The following GPC5 variants were observed in gnomAD, a reference collection of about 807,000 sequenced individuals.
GPC5 encodes glypican-5.
In GPC5, 47 loss-of-function variants were observed where a neutral mutation model predicts 53.9. The observed-to-expected ratio is 0.87, with a 90% CI of 0.69 to 1.11. The LOEUF (loss-of-function observed/expected upper bound fraction) is 1.11, where lower values mean the gene tolerates loss of function less well. GPC5 is among the 50% of genes most tolerant of loss of function. GPC5 has a pLI of 0.00. For synonymous variants in GPC5, 286 were observed against 263.3 expected (o/e 1.09, Z -0.84); for missense variants, 748 against 713.1 (o/e 1.05, Z -0.56).
chr13:91,966,298 T>C (rs189793319), intron 6 of GPC5, among the ~76,000 whole-genome samples: 2 of 152,308 alleles, frequency 1.3e-5, no homozygotes, highest in Admixed American at 6.5e-5. Context: ...AAACTTCTCT[T>C]ATACAATCAA....
chr13:92,332,374 G>T (rs532167836), intron 7 of GPC5, among the ~76,000 whole-genome samples: 18 of 152,196 alleles, frequency 1.2e-4, no homozygotes, highest in Non-Finnish European at 2.4e-4. Context: ...TAGCAGTGAG[G>T]AATAAAGATA....
intron 5 of GPC5, among the ~76,000 whole-genome samples, chr13:91,888,630 C>T (rs1594642822): frequency 6.6e-6 from 1 of 152,102 alleles, no homozygotes. Context: ...AGGGTGCTGG[C>T]GGTGGCAAGA....
At chr13:91,997,644 G>A (rs528016577) in intron 6 of GPC5, among the ~76,000 whole-genome samples, 84 of 151,974 alleles carry the variant, frequency 5.5e-4, no homozygotes, top group African/African-American at 2.0e-3. Flanking sequence ...TCAGCCTCCC[G>A]AGTAGCTGGA....
chr13:91,447,159 T>C (rs1880867068), intron 1 of GPC5, among the ~76,000 whole-genome samples: 1 of 152,246 alleles, frequency 6.6e-6, no homozygotes, highest in South Asian at 2.1e-4. Context: ...AGATATTTGC[T>C]ATGATCTGCT....
chr13:92,098,198 C>T (rs1387694194), intron 6 of GPC5, among the ~76,000 whole-genome samples: 1 of 152,094 alleles, frequency 6.6e-6, no homozygotes, highest in Admixed American at 6.6e-5. Flanking sequence ...TCCCATTGGT[C>T]CCCTCTATGC....
chr13:92,658,019 A>G (rs1177394820), intron 7 of GPC5, among the ~76,000 whole-genome samples: 2 of 152,146 alleles, frequency 1.3e-5, no homozygotes, highest in Admixed American at 1.3e-4. Flanking sequence ...ATCATTTATA[A>G]TATCACAGAA....
chr13:91,628,639 C>G (rs1486130158), intron 2 of GPC5, among the ~76,000 whole-genome samples: 1 of 152,156 alleles, frequency 6.6e-6, no homozygotes, highest in Non-Finnish European at 1.5e-5. Context: ...TCACCCCTGG[C>G]TCTACCTCTT....
At chr13:92,165,656 A>G (rs1457077495) in intron 7 of GPC5, among the ~76,000 whole-genome samples, 1 of 152,196 alleles carries the variant, frequency 6.6e-6, no homozygotes, top group Admixed American at 6.5e-5. Flanking sequence ...CCCTCCCCTA[A>G]CACATGGGGA....
chr13:91,995,410 G>C (rs2040495090), intron 6 of GPC5: 1 of 152,096 alleles, frequency 6.6e-6, no homozygotes, highest in African/African-American at 2.4e-5. Flanking sequence ...AACTAGAAAA[G>C]GTAAAAAAGT....
chr13:91,909,367 G>T (rs745707790), intron 6 of GPC5, among the ~76,000 whole-genome samples: 1 of 152,062 alleles, frequency 6.6e-6, no homozygotes, highest in South Asian at 2.1e-4. Context: ...ATATTAATCA[G>T]CTCCTCTCAT....
chr13:92,481,390 C>A (rs12861382), intron 7 of GPC5, among the ~76,000 whole-genome samples: 1 of 152,190 alleles, frequency 6.6e-6, no homozygotes, highest in South Asian at 2.1e-4. Context: ...CATGACCCAC[C>A]GCGCCTGGCC....
At chr13:92,714,937 G>A (rs967026741) in intron 7 of GPC5, among the ~76,000 whole-genome samples, 1 of 152,040 alleles carries the variant, frequency 6.6e-6, no homozygotes, top group Non-Finnish European at 1.5e-5. Context: ...ATGGTGGTGG[G>A]TGCCTGGAAT....
intron 7 of GPC5, among the ~76,000 whole-genome samples, chr13:92,811,894 T>A (rs538942510): frequency 6.6e-6 from 1 of 152,110 alleles, no homozygotes; most frequent in East Asian, 1.9e-4. Context: ...AGCATTCTTG[T>A]CAAAAATCAA....
chr13:91,562,603 G>A (rs964406313), intron 2 of GPC5, among the ~76,000 whole-genome samples: 4 of 149,360 alleles, frequency 2.7e-5, no homozygotes, highest in Non-Finnish European at 4.4e-5. Context: ...ACAGGCATGC[G>A]CCATGATGCC....
chr13:92,531,791 GGA>G (rs1222280158), intron 7 of GPC5, among the ~76,000 whole-genome samples: 2 of 152,106 alleles, frequency 1.3e-5, no homozygotes, highest in Non-Finnish European at 2.9e-5. Flanking sequence ...GTTTCCTGAG[GGA>G]AGGATATACT....
intron 7 of GPC5, among the ~76,000 whole-genome samples, chr13:92,376,035 A>T (rs975102564): frequency 1.3e-5 from 2 of 152,202 alleles, no homozygotes; most frequent in African/African-American, 4.8e-5. Flanking sequence ...GTTGATTTAA[A>T]ATAGTAACCA....
At chr13:91,562,334 C>T (rs931503954) in intron 2 of GPC5, among the ~76,000 whole-genome samples, 4 of 151,926 alleles carry the variant, frequency 2.6e-5, no homozygotes, top group Non-Finnish European at 5.9e-5. Flanking sequence ...AAAATTCATT[C>T]AACGATGTGT....
intron 7 of GPC5, among the ~76,000 whole-genome samples, chr13:92,283,247 C>T (rs572879392): frequency 6.6e-6 from 1 of 152,222 alleles, no homozygotes; most frequent in South Asian, 2.1e-4. Flanking sequence ...TAAAGCAAGT[C>T]CTTAGAGACC....
intron 7 of GPC5, among the ~76,000 whole-genome samples, chr13:92,460,000 A>T (rs1474402062): frequency 1.3e-5 from 2 of 152,164 alleles, no homozygotes; most frequent in Non-Finnish European, 2.9e-5. Flanking sequence ...GGTAGAATTC[A>T]CTTTTACAAA....
Sources: allele counts gnomAD v4.1 joint callset (sites outside exome capture counted in the v4.1 genomes callset), GRCh38; gene constraint gnomAD v4.1.1; transcripts MANE v1.5; gene names NCBI Gene and HGNC (gene_info 2026-07-23, HGNC 2026-07-21).